PCDHGB2: variants seen among roughly 807,000 people sequenced by gnomAD.
The protein encoded by PCDHGB2 is protocadherin gamma subfamily B, 2, also known as protocadherin gamma-B2.
In PCDHGB2, 55 loss-of-function variants were observed where a neutral mutation model predicts 59.3. The ratio of observed to expected loss-of-function variants is 0.93; its 90% CI spans 0.75 to 1.16. The LOEUF (loss-of-function observed/expected upper bound fraction) is 1.16, where lower values mean the gene tolerates loss of function less well. Among genes scored for constraint, PCDHGB2 ranks in the 50% most tolerant of loss-of-function variants. PCDHGB2 has a pLI of 0.00. For missense variants in PCDHGB2, 1,228 were observed against 1,198.5 expected (o/e 1.02, Z -0.36); for synonymous variants, 516 against 512.0 (o/e 1.01, Z -0.11).
chr5:141,509,308 C>G (rs943174290), intron 3 of PCDHGB2, among the ~76,000 whole-genome samples: 6 of 152,152 alleles, frequency 3.9e-5, no homozygotes, highest in African/African-American at 1.4e-4. Flanking sequence ...CAGAGGGAGG[C>G]TGGGAGAGAA....
At chr5:141,364,596 G>C (rs1763432941) in intron 1 of PCDHGB2, 1 of 1,614,090 alleles carries the variant, frequency 6.2e-7, no homozygotes, top group Non-Finnish European at 8.5e-7. Context: ...ACCGCGGGCA[G>C]GATAGACCGG....
intron 1 of PCDHGB2, chr5:141,404,674 T>C: frequency 1.9e-6 from 3 of 1,614,176 alleles, no homozygotes; most frequent in East Asian, 2.2e-5. Context: ...GTTCTACTGG[T>C]GTGGAGCTGG....
At chr5:141,445,553 A>G (rs948468877) in intron 1 of PCDHGB2, among the ~76,000 whole-genome samples, 1 of 152,252 alleles carries the variant, frequency 6.6e-6, no homozygotes, top group Non-Finnish European at 1.5e-5. Context: ...ATACAAAAGC[A>G]CTAAGAGAAA....
chr5:141,374,528 T>C (rs759567011), intron 1 of PCDHGB2: 27 of 1,612,930 alleles, frequency 1.7e-5, no homozygotes, highest in Non-Finnish European at 2.1e-5. Context: ...CGCAGCTCCA[T>C]CCTCTCGTTT....
intron 1 of PCDHGB2, chr5:141,409,794 C>T (rs1345529657): frequency 1.9e-6 from 3 of 1,611,732 alleles, no homozygotes; most frequent in South Asian, 1.1e-5. Flanking sequence ...TTCGCGCTCA[C>T]GCTGCAGGCC....
chr5:141,364,818 G>A lies in PCDHGB2; in HGVS notation c.2421+2262G>A. ...CCCTTCGCGCGGGATGCGGATGTGGGTGTGAACTCTCTCCGGAGTTACCAG... is the reference window on the plus strand; with the variant it reads ...CCCTTCGCGCGGGATGCGGATGTGGATGTGAACTCTCTCCGGAGTTACCAG... On this transcript the variant is annotated intron_variant, in intron 1 of 3. Transcript: ENST00000522605. 1 of 1,614,014 alleles carries A rather than the reference G, an allele frequency of 6.2e-7. No individual in the cohort carries two copies. The highest frequency in any genetic ancestry group is 8.5e-7 in the Non-Finnish European group (1 of 1,179,904).
At chr5:141,410,192 T>G (rs748013890) in intron 1 of PCDHGB2, 1 of 1,613,980 alleles carries the variant, frequency 6.2e-7, no homozygotes, top group Non-Finnish European at 8.5e-7. Context: ...TCATCTGGTC[T>G]TCGCAGACAA....
chr5:141,490,346 TG>T lies in PCDHGB2; in HGVS notation c.2422-4457del, dbSNP rs1458588422. ...GAGAGCACACCAGTGGGCACAGTAG[TG>T]GGGTTGTTTAATGTGCGAGACCGGG... On this transcript the variant is annotated intron_variant, in intron 1 of 3. Coordinates refer to ENST00000522605, the MANE Select transcript of PCDHGB2 (RefSeq NM_018923.3). The surrounding 1 kb of genome is among the most constrained non-coding windows in gnomAD (Gnocchi z 5.4). 1.2e-6 allele frequency: 2 copies of T among 1,614,164 alleles called. No individual in the cohort carries two copies. The highest frequency in any genetic ancestry group is 3.3e-5 in the Admixed American group (2 of 60,032).
chr5:141,472,071 A>T (rs1243864250), intron 1 of PCDHGB2, among the ~76,000 whole-genome samples: 5 of 152,200 alleles, frequency 3.3e-5, no homozygotes, highest in South Asian at 2.1e-4. Context: ...GTCTGTGGTT[A>T]TATCAATGAG....
intron 1 of PCDHGB2, chr5:141,402,883 G>A (rs1418475947): frequency 6.7e-7 from 1 of 1,483,116 alleles, no homozygotes; most frequent in South Asian, 1.4e-5. Flanking sequence ...ACTTTGCAGG[G>A]TGGAAGAAAG....
At chr5:141,404,403 A>G (rs767148207) in intron 1 of PCDHGB2, 2 of 1,613,896 alleles carry the variant, frequency 1.2e-6, no homozygotes, top group East Asian at 4.5e-5. Flanking sequence ...AGCAATGAGA[A>G]TTCTAGAGTT....
chr5:141,376,736 G>T (rs1158010904), intron 1 of PCDHGB2: 1 of 522,720 alleles, frequency 1.9e-6, no homozygotes, highest in Non-Finnish European at 3.2e-6. Flanking sequence ...CCGGACTGCG[G>T]ACTGCAGTGG....
At chr5:141,372,739 GT>G in intron 1 of PCDHGB2, 1 of 1,613,668 alleles carries the variant, frequency 6.2e-7, no homozygotes, top group Non-Finnish European at 8.5e-7. Context: ...GATCTTCTAT[GT>G]GATGAAGCCT....
At chr5:141,401,079 C>T (rs1245954946) in intron 1 of PCDHGB2, among the ~76,000 whole-genome samples, 16 of 152,196 alleles carry the variant, frequency 1.1e-4, no homozygotes, top group Admixed American at 1.0e-3. Flanking sequence ...TGCAGTGGCT[C>T]ATGCCTGTAA....
Position 141,362,507 on chromosome 5 carries a change from C to G in PCDHGB2, c.2372C>G (p.Thr791Arg). 6.2e-7 allele frequency: 1 copy of G among 1,613,994 alleles called. No homozygotes were observed. Among genetic ancestry groups the G allele is most frequent in the Non-Finnish European group, 8.5e-7 (1 of 1,179,876 alleles). ...VCDNASWEQN[T>R]NHGAAGVPFA... ...GACAATGCCTCTTGGGAACAAAATACAAATCATGGAGCCGCTGGGGTCCCT... is the reference window on the plus strand; with the variant it reads ...GACAATGCCTCTTGGGAACAAAATAGAAATCATGGAGCCGCTGGGGTCCCT... The change falls in exon 1 of 4, where the codon ACA becomes AGA. Residue 791 changes from threonine to arginine, a missense_variant. Thr to Arg is a moderately conservative substitution (Grantham distance 71). This residue lies in a region of PCDHGB2 where 433 missense variants were observed against 441.8 expected (regional missense o/e 0.98). Transcript: ENST00000522605.
chr5:141,395,646 C>T (rs1174950813), intron 1 of PCDHGB2: 2 of 167,832 alleles, frequency 1.2e-5, no homozygotes, highest in Non-Finnish European at 2.5e-5. Flanking sequence ...TTGTTATTAG[C>T]TTAGCAAAAG....
Position 141,511,380 on chromosome 5 carries a change from C to T in PCDHGB2, c.*207C>T, listed in dbSNP as rs896762148. 1.5e-5 allele frequency: 18 copies of T among 1,170,372 alleles called. No homozygotes were observed. The highest frequency in any genetic ancestry group is 3.0e-4 in the Middle Eastern group (1 of 3,384). 72.5% of individuals were successfully genotyped at this position (1,170,372 alleles called of 1,614,324 possible). ...GGGGTTGAATATGCAAAAGCAGTTC[C>T]GCTGGGAACCCCCATCCAATCAACT... is the stretch of plus-strand genomic sequence containing the variant. On this transcript the variant is annotated 3_prime_UTR_variant, in exon 4 of 4. Coordinates refer to ENST00000522605, the MANE Select transcript of PCDHGB2 (RefSeq NM_018923.3).
intron 1 of PCDHGB2, chr5:141,415,110 C>A: frequency 6.2e-7 from 1 of 1,613,666 alleles, no homozygotes; most frequent in Middle Eastern, 1.7e-4. Flanking sequence ...TCAAGCAAAG[C>A]CTCGTAGTGG....
At chr5:141,422,458 C>T (rs375149811) in intron 1 of PCDHGB2, 264 of 1,613,148 alleles carry the variant, frequency 1.6e-4, no homozygotes, top group Non-Finnish European at 2.1e-4. Context: ...AAGCAGAGTG[C>T]TGGACAGGGA....
Sources: gnomAD v4.1 joint callset for allele counts (sites outside exome capture counted in the v4.1 genomes callset) on GRCh38, gnomAD v4.1.1 for gene constraint, gnomAD v4.1.1 regional missense constraint, Gnocchi (gnomAD v3.1) non-coding constraint, MANE v1.5 for transcripts, NCBI Gene and HGNC (gene_info 2026-07-23, HGNC 2026-07-21) for gene names.